Variants in DLG1 observed in about 807,000 individuals in gnomAD.
The protein encoded by DLG1 is disks large homolog 1.
DLG1 carries 42 observed loss-of-function variants against 123.4 expected under a neutral mutation model. The ratio of observed to expected loss-of-function variants is 0.34; its 90% CI spans 0.27 to 0.44. The LOEUF is 0.44. Ranked by LOEUF, DLG1 falls within the 20% of genes least tolerant of loss-of-function variation. The pLI is 1.00. For synonymous variants in DLG1, 317 were observed against 356.2 expected (o/e 0.89, Z 1.24); for missense variants, 942 against 1,082.6 (o/e 0.87, Z 1.82).
chr3:197,260,203 G>A, intron 4 of DLG1: 1 of 392,944 alleles, frequency 2.5e-6, no homozygotes, highest in Non-Finnish European at 5.0e-6. Flanking sequence ...ACTGAACAAA[G>A]GGTCTCTCAC....
At chr3:197,238,769 G>T (rs1404733514) in intron 4 of DLG1, among the ~76,000 whole-genome samples, 1 of 152,092 alleles carries the variant, frequency 6.6e-6, no homozygotes, top group African/African-American at 2.4e-5. Flanking sequence ...GAAATTAGAA[G>T]ATATTTACAT....
rs75567389 is a variant in DLG1 at position 197,124,060 on chromosome 3, T to C, written c.1166-4530A>G. On this transcript the variant is annotated intron_variant, in intron 11 of 24. Transcript: ENST00000667157. ...CTTGAGGTTAGGAGCTTAGGCAACATAGTGAGACCCCATCTCTACAAAACA... is the reference window on the plus strand; with the variant it reads ...CTTGAGGTTAGGAGCTTAGGCAACACAGTGAGACCCCATCTCTACAAAACA... Among the ~76,000 whole-genome samples, 1,295 of 152,204 alleles carry C rather than the reference T, an allele frequency of 8.5e-3. 38 individuals are homozygous for C. The East Asian group carries it at 0.1, about 12-fold the overall frequency.
intron 11 of DLG1, among the ~76,000 whole-genome samples, chr3:197,125,081 CG>C (rs1401671570): frequency 4.6e-5 from 7 of 151,872 alleles, no homozygotes; most frequent in African/African-American, 1.7e-4. Flanking sequence ...AGTCGAGTTT[CG>C]GGGTAAAAAT....
At chr3:197,076,074 C>A (rs1392349189) in intron 18 of DLG1, among the ~76,000 whole-genome samples, 1 of 152,128 alleles carries the variant, frequency 6.6e-6, no homozygotes, top group Non-Finnish European at 1.5e-5. Flanking sequence ...AATGAAAGTT[C>A]TAGCATGAAG....
intron 5 of DLG1, among the ~76,000 whole-genome samples, chr3:197,179,166 C>T (rs780227400): frequency 2.0e-5 from 3 of 152,126 alleles, no homozygotes; most frequent in Non-Finnish European, 4.4e-5. Flanking sequence ...GAAGGCAGAG[C>T]TGCAATCCGG....
At chr3:197,080,454 C>CTTT (rs35708797) in intron 17 of DLG1, 18,779 of 97,190 alleles carry the variant, frequency 0.19, 2,136 homozygotes, top group East Asian at 0.54. Context: ...AATTTTTTAC[C>CTTT]TTTTTTTTTT....
At chr3:197,127,072 TA>T in intron 11 of DLG1, among the ~76,000 whole-genome samples, 1 of 152,022 alleles carries the variant, frequency 6.6e-6, no homozygotes, top group African/African-American at 2.4e-5. Flanking sequence ...TTTCCACCAA[TA>T]CAAACACATT....
At chr3:197,160,395 A>T (rs181325337) in intron 5 of DLG1, among the ~76,000 whole-genome samples, 257 of 151,560 alleles carry the variant, frequency 1.7e-3, no homozygotes, top group Non-Finnish European at 3.5e-4. Flanking sequence ...GTACTAATAA[A>T]CTCTATATAT....
chr3:197,086,920 T>C (rs1336381405), intron 15 of DLG1, among the ~76,000 whole-genome samples: 3 of 147,124 alleles, frequency 2.0e-5, no homozygotes, highest in African/African-American at 5.1e-5. Context: ...AACAGTATTA[T>C]TGAACAACAA....
At chr3:197,155,071 C>T (rs988426240) in intron 5 of DLG1, among the ~76,000 whole-genome samples, 1 of 152,060 alleles carries the variant, frequency 6.6e-6, no homozygotes, top group African/African-American at 2.4e-5. Flanking sequence ...ATATAAACAT[C>T]CAAGAAGCTC....
At chr3:197,179,484 T>C (rs562729680) in intron 5 of DLG1, among the ~76,000 whole-genome samples, 6 of 152,226 alleles carry the variant, frequency 3.9e-5, no homozygotes, top group Non-Finnish European at 8.8e-5. Context: ...TACTTACAAA[T>C]TAACTTAATC....
At chr3:197,100,117 G>A (rs1204901226) in intron 14 of DLG1, among the ~76,000 whole-genome samples, 1 of 152,278 alleles carries the variant, frequency 6.6e-6, no homozygotes, top group African/African-American at 2.4e-5. Flanking sequence ...GGGAAAGCAG[G>A]AGACTGAAAA....
At chr3:197,173,870 G>A (rs371181857) in intron 5 of DLG1, among the ~76,000 whole-genome samples, 12 of 152,252 alleles carry the variant, frequency 7.9e-5, no homozygotes, top group Admixed American at 1.3e-4. Flanking sequence ...TTGGGAGGCC[G>A]AGGCAGGCAG....
intron 4 of DLG1, among the ~76,000 whole-genome samples, chr3:197,234,400 T>C (rs1320467577): frequency 6.6e-6 from 1 of 152,174 alleles, no homozygotes; most frequent in African/African-American, 2.4e-5. Context: ...CCAAAAAGTA[T>C]AATGGATGAA....
intron 18 of DLG1, among the ~76,000 whole-genome samples, chr3:197,076,047 C>T (rs45457894): frequency 0.022 from 3,349 of 152,268 alleles, 106 homozygotes; most frequent in African/African-American, 0.074. Flanking sequence ...TAGCTGCTAA[C>T]TGTAATCTAC....
chr3:197,231,411 T>A (rs888578090), intron 4 of DLG1, among the ~76,000 whole-genome samples: 3 of 152,166 alleles, frequency 2.0e-5, no homozygotes, highest in Non-Finnish European at 4.4e-5. Flanking sequence ...GTTGTAAGAA[T>A]ACTAACATAC....
rs149378478 is a variant in DLG1 at position 197,054,629 on chromosome 3, A to G, written c.2484-2961T>C. On this transcript the variant is annotated intron_variant, in intron 23 of 24. Coordinates refer to ENST00000667157, the MANE Select transcript of DLG1 (RefSeq NM_001366207.1). ...GTTGATATTTCCATTTTGTTCATGT[A>G]TCTTTTTCATCTTTTTTTTCCTTTA... Among the ~76,000 whole-genome samples, 32 of 151,814 alleles carry G rather than the reference A, an allele frequency of 2.1e-4. No homozygotes were observed. In the East Asian group the frequency reaches 5.4e-3, roughly 26 times the overall value.
At chr3:197,296,292 TGA>T in intron 3 of DLG1, 52 bp downstream of exon 3, 1 of 1,524,902 alleles carries the variant, frequency 6.6e-7, no homozygotes. Context: ...ATAAATGAAT[TGA>T]GAGGAGCATA....
chr3:197,113,230 T>C (rs1274300612), intron 13 of DLG1, among the ~76,000 whole-genome samples: 1 of 152,202 alleles, frequency 6.6e-6, no homozygotes, highest in Non-Finnish European at 1.5e-5. Flanking sequence ...GATTTTCTTG[T>C]ATGTTTTCTT....
Sources: gnomAD v4.1 joint callset for allele counts (sites outside exome capture counted in the v4.1 genomes callset) on GRCh38, gnomAD v4.1.1 for gene constraint, MANE v1.5 for transcripts, NCBI Gene and HGNC (gene_info 2026-07-23, HGNC 2026-07-21) for gene names.